SGCZ: variants seen among roughly 807,000 people sequenced by gnomAD.
SGCZ encodes the protein sarcoglycan zeta.
A neutral mutation model predicts 41.3 loss-of-function variants in SGCZ; 40 were observed. That is an observed-to-expected ratio of 0.97 (90% CI 0.75 to 1.26). The LOEUF (loss-of-function observed/expected upper bound fraction) is 1.26, where lower values mean the gene tolerates loss of function less well. Among genes scored for constraint, SGCZ ranks in the 50% most tolerant of loss-of-function variants. The probability of loss-of-function intolerance (pLI) is 0.00; values close to 1 mark genes in which losing one functional copy is unlikely to be tolerated. For missense variants in SGCZ, 552 were observed against 369.8 expected (o/e 1.49, Z -4.04); for synonymous variants, 206 against 137.5 (o/e 1.50, Z -3.49).
chr8:14,733,810 G>A (rs938908408), intron 1 of SGCZ, among the ~76,000 whole-genome samples: 1 of 152,154 alleles, frequency 6.6e-6, no homozygotes, highest in African/African-American at 2.4e-5. Context: ...GTTGTAAAAG[G>A]TTGCTACAAA....
intron 1 of SGCZ, among the ~76,000 whole-genome samples, chr8:14,966,411 T>TA (rs2130858650): frequency 6.6e-6 from 1 of 152,004 alleles, no homozygotes; most frequent in African/African-American, 2.4e-5. Context: ...TACATGTTTA[T>TA]AAAATATCTA....
chr8:14,782,399 GT>G (rs1271806550), intron 1 of SGCZ, among the ~76,000 whole-genome samples: 1 of 151,946 alleles, frequency 6.6e-6, no homozygotes, highest in African/African-American at 2.4e-5. Flanking sequence ...GTCTTGTTTT[GT>G]TTTTCTTTTT....
At chr8:14,178,520 A>G (rs1277757882) in intron 4 of SGCZ, among the ~76,000 whole-genome samples, 1 of 152,330 alleles carries the variant, frequency 6.6e-6, no homozygotes, top group East Asian at 1.9e-4. Context: ...TCTCATGACT[A>G]GAGTTCTGAG....
At chr8:15,089,119 T>C (rs991674459) in intron 1 of SGCZ, among the ~76,000 whole-genome samples, 1 of 152,160 alleles carries the variant, frequency 6.6e-6, no homozygotes, top group African/African-American at 2.4e-5. Context: ...TTTATGGCCA[T>C]AGTTATATAT....
intron 1 of SGCZ, among the ~76,000 whole-genome samples, chr8:15,232,754 C>T (rs1045409496): frequency 7.4e-5 from 10 of 135,694 alleles, no homozygotes; most frequent in Admixed American, 4.7e-4. Context: ...TATATATATA[C>T]ATATATATGT....
In SGCZ at chr8:14,421,700, G is replaced by C. The variant is rs1050462361; in HGVS notation, c.235-97496C>G. On this transcript the variant is annotated intron_variant, in intron 2 of 7. Coordinates refer to ENST00000382080, the MANE Select transcript of SGCZ (RefSeq NM_139167.4). The stretch of plus-strand genomic sequence containing the variant: ...AAGATGTAAGCACAAGCCCTATCTT[G>C]TGTAATTATCTGGTTTAATTCATCC... Among the ~76,000 whole-genome samples, 4 of 152,084 alleles carry C rather than the reference G, an allele frequency of 2.6e-5. No homozygotes were observed. In the East Asian group the frequency reaches 5.8e-4, roughly 22 times the overall value.
intron 1 of SGCZ, among the ~76,000 whole-genome samples, chr8:14,666,957 A>C (rs1807930626): frequency 6.6e-6 from 1 of 152,082 alleles, no homozygotes; most frequent in South Asian, 2.1e-4. Context: ...ATATATGCAC[A>C]CAAATATATA....
chr8:14,653,620 G>A (rs781629643), intron 1 of SGCZ, among the ~76,000 whole-genome samples: 27 of 152,006 alleles, frequency 1.8e-4, no homozygotes, highest in Admixed American at 9.8e-4. Flanking sequence ...AAACTCTATT[G>A]AAATCCATGT....
chr8:14,835,548 G>A (rs576552059), intron 1 of SGCZ, among the ~76,000 whole-genome samples: 15 of 152,230 alleles, frequency 9.9e-5, no homozygotes, highest in East Asian at 9.7e-4. Flanking sequence ...TTGACACACC[G>A]CTTACCTGCT....
intron 2 of SGCZ, among the ~76,000 whole-genome samples, chr8:14,378,509 A>G (rs1343157060): frequency 6.6e-6 from 1 of 152,200 alleles, no homozygotes; most frequent in African/African-American, 2.4e-5. Context: ...AAAATGGGGG[A>G]AAATTTTCAC....
chr8:14,158,709 C>G (rs1359077684), intron 5 of SGCZ, among the ~76,000 whole-genome samples: 1 of 152,122 alleles, frequency 6.6e-6, no homozygotes, highest in Admixed American at 6.6e-5. Context: ...TGATGGCCAG[C>G]AAGGAGACAA....
chr8:14,112,169 A>C (rs1802391376), intron 5 of SGCZ, among the ~76,000 whole-genome samples: 1 of 151,574 alleles, frequency 6.6e-6, no homozygotes, highest in Non-Finnish European at 1.5e-5. Flanking sequence ...GTCAGGCAGG[A>C]AATTATATTT....
intron 2 of SGCZ, among the ~76,000 whole-genome samples, chr8:14,324,662 G>A (rs1802032803): frequency 6.6e-6 from 1 of 152,240 alleles, no homozygotes; most frequent in South Asian, 2.1e-4. Flanking sequence ...ATGATTGTCT[G>A]ATATTAGTAA....
chr8:14,546,246 A>T (rs1372532470), intron 2 of SGCZ, among the ~76,000 whole-genome samples: 2 of 152,136 alleles, frequency 1.3e-5, no homozygotes, highest in Non-Finnish European at 2.9e-5. Flanking sequence ...TAGAAGGTGG[A>T]GCCCTGTCTC....
chr8:14,822,418 T>C (rs1802132403), intron 1 of SGCZ, among the ~76,000 whole-genome samples: 1 of 152,130 alleles, frequency 6.6e-6, no homozygotes, highest in Non-Finnish European at 1.5e-5. Context: ...CCACCCAAAG[T>C]GATCTACAAA....
Position 14,145,911 on chromosome 8 carries a change from G to T in SGCZ, c.547+18669C>A, listed in dbSNP as rs569699071. ...AAATACACAGTCAGAGGAGGCAAAA[G>T]AATAAAAAACAATATATTGCCTATA... is the stretch of plus-strand genomic sequence containing the variant. On this transcript the variant is annotated intron_variant, in intron 5 of 7. Transcript: ENST00000382080. Among the ~76,000 whole-genome samples, 35 of 152,066 alleles carry T rather than the reference G, an allele frequency of 2.3e-4. No individual in the cohort carries two copies. In the South Asian group the frequency reaches 6.9e-3, roughly 30 times the overall value.
chr8:15,226,288 T>G (rs1801770880), intron 1 of SGCZ, among the ~76,000 whole-genome samples: 1 of 152,186 alleles, frequency 6.6e-6, no homozygotes, highest in Non-Finnish European at 1.5e-5. Context: ...GATAATATTT[T>G]TGACTATAAG....
At position 14,525,067 on chromosome 8, in the gene SGCZ, TGATA is replaced by T. The variant is rs201972338; in HGVS notation, c.234+29661_234+29664del. ...TAGGTAGAGAGATAGATGATGATGA[TGATA>T]GATAGATAGACACATAGATAGATAG... is the stretch of plus-strand genomic sequence containing the variant. On this transcript the variant is annotated intron_variant, in intron 2 of 7. Coordinates refer to ENST00000382080, the MANE Select transcript of SGCZ (RefSeq NM_139167.4). 8.4e-4 allele frequency among the ~76,000 whole-genome samples: 128 copies of T among 151,922 alleles called. No individual in the cohort carries two copies. In the East Asian group the frequency reaches 0.02, roughly 24 times the overall value.
intron 2 of SGCZ, among the ~76,000 whole-genome samples, chr8:14,344,221 G>A (rs1255658306): frequency 6.6e-6 from 1 of 151,900 alleles, no homozygotes; most frequent in East Asian, 1.9e-4. Flanking sequence ...GAGACCAGTA[G>A]ACCTTAGATA....
Sources: gnomAD v4.1 joint callset for allele counts (sites outside exome capture counted in the v4.1 genomes callset) on GRCh38, gnomAD v4.1.1 for gene constraint, MANE v1.5 for transcripts, NCBI Gene and HGNC (gene_info 2026-07-23, HGNC 2026-07-21) for gene names.